VASH1: variants seen among roughly 807,000 people sequenced by gnomAD.
VASH1 encodes tubulinyl-Tyr carboxypeptidase 1.
VASH1 carries 16 observed loss-of-function variants against 35.0 expected under a neutral mutation model. The observed-to-expected ratio is 0.46, with a 90% CI of 0.31 to 0.70. The LOEUF is 0.70. VASH1 is among the 30% of genes least tolerant of loss of function. The probability of loss-of-function intolerance (pLI) is 0.05; values close to 1 mark genes in which losing one functional copy is unlikely to be tolerated. For synonymous variants in VASH1, 214 were observed against 200.9 expected (o/e 1.07, Z -0.55); for missense variants, 505 against 510.7 (o/e 0.99, Z 0.11).
intron 3 of VASH1, among the ~76,000 whole-genome samples, chr14:76,771,840 GC>G (rs1211195824): frequency 6.6e-6 from 1 of 152,160 alleles, no homozygotes; most frequent in East Asian, 1.9e-4. Flanking sequence ...GAAAGTTTCT[GC>G]CCATGAAGCC....
At chr14:76,763,482 G>A (rs1052797430) in intron 1 of VASH1, among the ~76,000 whole-genome samples, 1 of 152,228 alleles carries the variant, frequency 6.6e-6, no homozygotes, top group African/African-American at 2.4e-5. Context: ...CAAATGTAAT[G>A]AATGACTAAG....
chr14:76,775,638 G>A (rs1893915620), intron 4 of VASH1, among the ~76,000 whole-genome samples: 1 of 152,162 alleles, frequency 6.6e-6, no homozygotes, highest in Non-Finnish European at 1.5e-5. Context: ...CTGGACTTCA[G>A]AGCGGTGGCC....
At chr14:76,775,043 T>C (rs1374779600) in intron 4 of VASH1, 1 of 152,330 alleles carries the variant, frequency 6.6e-6, no homozygotes, top group African/African-American at 2.4e-5. Context: ...CTTCTACCCA[T>C]TTGTTCGAGA....
rs1894106559 is a variant in VASH1, at chr14:76,781,522, G to C, written c.*2504G>C. The C allele has an allele frequency of 6.6e-6, 1 of 152,206 alleles. No homozygotes were observed. The highest frequency in any genetic ancestry group is 1.5e-5 in the Non-Finnish European group (1 of 68,082). The allele number at this position is 152,206 out of a possible 1,614,324, so 9.4% of individuals were successfully genotyped here. ...GGAATGACAGGGTTTGAGGGGAGTA[G>C]ATATGAGAGGGAGCCGCTCCTGGTT... On this transcript the variant is annotated 3_prime_UTR_variant, in exon 7 of 7. Coordinates refer to ENST00000167106, the MANE Select transcript of VASH1 (RefSeq NM_014909.5).
chr14:76,769,528 G>GCAC (rs1893734441), intron 1 of VASH1: 1 of 1,277,516 alleles, frequency 7.8e-7, no homozygotes, highest in African/African-American at 1.5e-5. Flanking sequence ...AAAGCCTAGG[G>GCAC]CACCACCTGA....
chr14:76,770,976 T>C (rs1281620935), intron 2 of VASH1, among the ~76,000 whole-genome samples: 1 of 152,210 alleles, frequency 6.6e-6, no homozygotes, highest in Non-Finnish European at 1.5e-5. Context: ...TCCATGTCTC[T>C]TGTCCTAAGA....
At position 76,776,162 on chromosome 14, in the gene VASH1, G is replaced by T. The variant is rs372349793; in HGVS notation, c.801G>T (p.Pro267=). The T allele has an allele frequency of 2.5e-6, 4 of 1,610,536 alleles. No homozygotes were observed. In the Middle Eastern group the frequency reaches 5.0e-4, roughly 199 times the overall value. Residue 267 remains proline, a synonymous_variant, in exon 5 of 7, where the codon CCG becomes CCT. Transcript: ENST00000167106. The stretch of plus-strand genomic sequence containing the variant: ...TGGGCCAGAGCGTGTCACACGACCC[G>T]CACAGCGTGGAGCAGATCGAGTGGA... The part of the protein sequence containing the change: ...VKLGQSVSHD[P]HSVEQIEWKH...
At chr14:76,768,742 A>G (rs1038828727) in intron 1 of VASH1, among the ~76,000 whole-genome samples, 12 of 151,656 alleles carry the variant, frequency 7.9e-5, no homozygotes, top group African/African-American at 2.7e-4. Flanking sequence ...ACCCAGCCCT[A>G]CCCCCTTCCC....
chr14:76,774,143 T>C (rs934896652), intron 4 of VASH1: 2 of 151,854 alleles, frequency 1.3e-5, no homozygotes, highest in African/African-American at 4.8e-5. Context: ...TGAGGGCAGG[T>C]CCTGGGAGGA....
chr14:76,767,599 A>G (rs889202421), intron 1 of VASH1, among the ~76,000 whole-genome samples: 2 of 152,134 alleles, frequency 1.3e-5, no homozygotes, highest in African/African-American at 4.8e-5. Flanking sequence ...CCACCACTCA[A>G]CAGTGAGGAA....
At chr14:76,769,193 T>C in intron 1 of VASH1, 2 of 1,108,312 alleles carry the variant, frequency 1.8e-6, no homozygotes, top group African/African-American at 1.6e-5. Flanking sequence ...CGGGAAACAC[T>C]GCCTGTTCTC....
Position 76,762,826 on chromosome 14 carries a change from C to T in VASH1, c.5C>T (p.Pro2Leu). The change falls in exon 1 of 7, where the codon CCA becomes CTA. Residue 2 changes from proline (P) to leucine (L), a missense_variant. By Grantham distance (98) the Pro-to-Leu change is moderately conservative. Coordinates refer to ENST00000167106, the MANE Select transcript of VASH1 (RefSeq NM_014909.5). ...ACCCCCCTCGAAGATTTAGGGATGC[C>T]AGGGGGGAAGAAGGTGGCTGGGGGT... Reference protein sequence around the residue: MPGGKKVAGGGS... With the variant: MLGGKKVAGGGS... The T allele has an allele frequency of 6.7e-7, 1 of 1,490,376 alleles. No individual in the cohort carries two copies. Among genetic ancestry groups the T allele is most frequent in the Non-Finnish European group, 8.9e-7 (1 of 1,120,578 alleles). The allele number at this position is 1,490,376 out of a possible 1,614,324, so 92.3% of individuals were successfully genotyped here.
In VASH1 at chr14:76,763,048, G is replaced by A; in HGVS notation, c.227G>A (p.Arg76Lys). The A allele has an allele frequency of 2.6e-6, 4 of 1,545,590 alleles. No homozygotes were observed. Among genetic ancestry groups the A allele is most frequent in the Admixed American group, 4.0e-5 (2 of 50,340 alleles). The change falls in exon 1 of 7, where the codon AGG (arginine) becomes AAG (lysine). Residue 76 changes from arginine (R) to lysine (K), a missense_variant. Transcript: ENST00000167106. ...GLPVDEATWE[R>K]MWKHVAKIHP... ...CCTGTGGATGAGGCCACCTGGGAAA[G>A]GATGTGGAAACACGTGGCCAAGATC...
Position 76,771,257 on chromosome 14 carries a change from G to A in VASH1, c.455+11G>A. The A allele has an allele frequency of 6.3e-7, 1 of 1,596,454 alleles. No homozygotes were observed. The highest frequency in any genetic ancestry group is 8.5e-7 in the Non-Finnish European group (1 of 1,171,406). On this transcript the variant is annotated intron_variant, in intron 3 of 6. Coordinates refer to ENST00000167106, the MANE Select transcript of VASH1 (RefSeq NM_014909.5). The stretch of plus-strand genomic sequence containing the variant: ...CAGACCTCTGACAGGGTAAGTATGG[G>A]GAGGCCAGTCCTCTGCCCCAGGGCT...
At chr14:76,775,518 T>C (rs770992340) in intron 4 of VASH1, among the ~76,000 whole-genome samples, 41 of 152,078 alleles carry the variant, frequency 2.7e-4, no homozygotes, top group Non-Finnish European at 3.5e-4. Flanking sequence ...CCTGTGTGTG[T>C]GCCAAGGTGC....
rs1406723517 is a variant in VASH1 at position 76,761,477 on chromosome 14, A to AGTCGAGCCTGGTGGGCGGC, written c.-1344_-1326dup. ...GGAGCGCATGCGCGGCGCGGGCCGT[A>AGTCGAGCCTGGTGGGCGGC]GTCGAGCCTGGTGGGCGGCTGGCTG... On this transcript the variant is annotated 5_prime_UTR_variant, in exon 1 of 7. Transcript: ENST00000167106. 2.0e-5 allele frequency: 3 copies of AGTCGAGCCTGGTGGGCGGC among 152,746 alleles called. No homozygotes were observed. The highest frequency in any genetic ancestry group is 2.0e-4 in the Admixed American group (3 of 15,298). The allele number at this position is 152,746 out of a possible 1,614,324, so 9.5% of individuals were successfully genotyped here.
intron 2 of VASH1, 79 bp downstream of exon 2, chr14:76,770,130 A>G: frequency 1.5e-6 from 2 of 1,370,226 alleles, no homozygotes; most frequent in Non-Finnish European, 2.1e-6. Flanking sequence ...CTGGAGAGGT[A>G]TCAGCAGAGC....
intron 1 of VASH1, among the ~76,000 whole-genome samples, chr14:76,767,223 C>T (rs1013938083): frequency 1.8e-4 from 27 of 148,126 alleles, no homozygotes; most frequent in African/African-American, 6.2e-4. Context: ...CCAGCCTGGG[C>T]GACAGGGTGA....
intron 1 of VASH1, among the ~76,000 whole-genome samples, chr14:76,763,497 T>C (rs891555188): frequency 2.6e-5 from 4 of 152,222 alleles, no homozygotes; most frequent in Non-Finnish European, 4.4e-5. Context: ...ACTAAGGAGA[T>C]GCAGGGCTTC....
Sources: gnomAD v4.1 joint callset for allele counts (sites outside exome capture counted in the v4.1 genomes callset) on GRCh38, gnomAD v4.1.1 for gene constraint, MANE v1.5 for transcripts, NCBI Gene and HGNC (gene_info 2026-07-23, HGNC 2026-07-21) for gene names.